Variants in UPRT observed in about 807,000 individuals in gnomAD.
UPRT encodes RP11-311P8.3.
A neutral mutation model predicts 22.6 loss-of-function variants in UPRT; 5 were observed. The observed-to-expected ratio is 0.22, with a 90% CI of 0.12 to 0.47. The LOEUF (loss-of-function observed/expected upper bound fraction) is 0.47. Ranked by LOEUF, UPRT falls within the 20% of genes least tolerant of loss-of-function variation. The pLI is 0.99. For missense variants in UPRT, 181 were observed against 239.9 expected (o/e 0.75, Z 1.62); for synonymous variants, 77 against 87.7 (o/e 0.88, Z 0.68).
chrX:75,185,657 C>T (rs2082287523), intron 4 of UPRT, among the ~76,000 whole-genome samples: 1 of 111,691 alleles, frequency 9.0e-6, no homozygotes, highest in Non-Finnish European at 1.9e-5. Flanking sequence ...GTCCTGGACT[C>T]TTTTTTGTTG....
At chrX:75,263,696 G>GT (rs1192130211) in intron 4 of UPRT, among the ~76,000 whole-genome samples, 7 of 108,556 alleles carry the variant, frequency 6.4e-5, no homozygotes, top group African/African-American at 2.3e-4. Context: ...TTTTTGAAGG[G>GT]TTTTTTGTGT....
chrX:75,185,643 T>G, intron 4 of UPRT, among the ~76,000 whole-genome samples: 1 of 111,936 alleles, frequency 8.9e-6, no homozygotes, highest in Non-Finnish European at 1.9e-5. Flanking sequence ...TGTGAATCCA[T>G]CTGGTCCTGG....
chrX:75,193,316 T>A (rs965514085), intron 4 of UPRT, among the ~76,000 whole-genome samples: 1 of 112,154 alleles, frequency 8.9e-6, no homozygotes, highest in Non-Finnish European at 1.9e-5. Context: ...CTCTGTAGGG[T>A]TTCTGCTGAT....
intron 1 of UPRT, among the ~76,000 whole-genome samples, chrX:75,283,471 G>GT (rs750514011): frequency 1.4e-4 from 16 of 111,422 alleles, no homozygotes; most frequent in Non-Finnish European, 2.6e-4. Context: ...CCTTTTAGTG[G>GT]TTTTTGTAGT....
chrX:75,195,576 G>T (rs2082330452), intron 4 of UPRT, among the ~76,000 whole-genome samples: 1 of 112,206 alleles, frequency 8.9e-6, no homozygotes, highest in Non-Finnish European at 1.9e-5. Context: ...CAGCTGAAGT[G>T]TCCATGAAGG....
chrX:75,215,339 A>G (rs1404810577), intron 4 of UPRT, among the ~76,000 whole-genome samples: 5 of 111,475 alleles, frequency 4.5e-5, no homozygotes, highest in Admixed American at 2.9e-4. Flanking sequence ...ATTAAATCCA[A>G]AGTTAGCAGA....
Position 75,274,635 on chromosome X carries a change from T to C in UPRT, c.381T>C (p.Arg127=). The C allele has an allele frequency of 8.3e-7, 1 of 1,197,690 alleles. No individual in the cohort carries two copies. The highest frequency in any genetic ancestry group is 1.1e-6 in the Non-Finnish European group (1 of 887,255). The part of the protein sequence containing the change: ...DQIRELQTII[R]DKTASRGDFM... Reference sequence around the variant, plus strand: ...TACGGGAGCTACAGACCATCATCCGTGACAAGTAAGCCAAGAGCGGAAGGG... The same window carrying C: ...TACGGGAGCTACAGACCATCATCCGCGACAAGTAAGCCAAGAGCGGAAGGG... The change falls in exon 1 of 7, where the codon CGT becomes CGC. Residue 127 remains arginine (R), a synonymous_variant. Transcript: ENST00000373383.
Position 75,255,180 on chromosome X carries a change from GGGATT to G in UPRT, c.-446-35840_-446-35836del, listed in dbSNP as rs760730694. 6.5e-3 allele frequency among the ~76,000 whole-genome samples: 725 copies of G among 111,819 alleles called. 7 individuals are homozygous for G. The highest frequency in any genetic ancestry group is 0.022 in the African/African-American group (664 of 30,757). ...TCAAAAGAAACCCTACAAGCTGGAA[GGGATT>G]GGAACCCTATCTTAAGCCTCCTCAA... On this transcript the variant is annotated intron_variant, in intron 4 of 13. Coordinates refer to the UPRT transcript ENST00000652605.
chrX:75,241,991 T>C (rs2082489998), intron 4 of UPRT, among the ~76,000 whole-genome samples: 1 of 110,288 alleles, frequency 9.1e-6, no homozygotes, highest in Non-Finnish European at 1.9e-5. Flanking sequence ...GGGTGATGGA[T>C]GCACCAAAAT....
At chrX:75,250,682 A>C (rs1168329523) in intron 4 of UPRT, among the ~76,000 whole-genome samples, 1 of 111,570 alleles carries the variant, frequency 9.0e-6, no homozygotes, top group Non-Finnish European at 1.9e-5. Flanking sequence ...ATCAATAGAA[A>C]AAGAGGGAAT....
At chrX:75,287,338 T>A (rs1214978650) in intron 1 of UPRT, among the ~76,000 whole-genome samples, 3 of 111,676 alleles carry the variant, frequency 2.7e-5, no homozygotes, top group African/African-American at 9.7e-5. Flanking sequence ...AGTAAGAAGA[T>A]GGGAGAAGCT....
At chrX:75,185,584 T>G (rs2147613592) in intron 4 of UPRT, among the ~76,000 whole-genome samples, 1 of 112,262 alleles carries the variant, frequency 8.9e-6, no homozygotes, top group Non-Finnish European at 1.9e-5. Flanking sequence ...TGGAATAGTT[T>G]CAGAAGGAAT....
chrX:75,206,672 AT>A (rs367590742), intron 4 of UPRT, among the ~76,000 whole-genome samples: 8 of 107,043 alleles, frequency 7.5e-5, no homozygotes, highest in Middle Eastern at 4.8e-3. Context: ...GGCAATAATG[AT>A]TTTTTTTTTG....
intron 4 of UPRT, among the ~76,000 whole-genome samples, chrX:75,228,386 A>G (rs2082429031): frequency 9.0e-6 from 1 of 111,703 alleles, no homozygotes; most frequent in Non-Finnish European, 1.9e-5. Context: ...GTCAAGCTAG[A>G]CATGACTGCC....
chrX:75,274,333 G>C lies in UPRT; in HGVS notation c.79G>C (p.Glu27Gln), dbSNP rs762866137. 7 of 1,209,747 alleles carry C rather than the reference G, an allele frequency of 5.8e-6. No homozygotes were observed. The highest frequency in any genetic ancestry group is 7.8e-6 in the Non-Finnish European group (7 of 895,171). ...QVNSASTPSP[E>Q]QLRPGDLILD... ...AAACTCTGCCTCAACCCCAAGTCCC[G>C]AGCAGCTGCGACCTGGCGATCTGAT... Residue 27 changes from glutamate to glutamine, a missense_variant, in exon 1 of 7, where the codon GAG becomes CAG. By Grantham distance (29) the Glu-to-Gln change is conservative. Coordinates refer to ENST00000373383, the MANE Select transcript of UPRT (RefSeq NM_145052.4).
At chrX:75,238,451 C>T (rs1024533856) in intron 4 of UPRT, among the ~76,000 whole-genome samples, 1 of 111,524 alleles carries the variant, frequency 9.0e-6, no homozygotes, top group Non-Finnish European at 1.9e-5. Context: ...AATACATATG[C>T]ACCTAACACT....
Position 75,251,132 on chromosome X carries a change from T to C in UPRT, c.-446-39892T>C, listed in dbSNP as rs145684173. ...ACTAAATGGACAAAAACTGGAAGCA[T>C]TCCCTTTGAAAACTGGTACAAGTCA... On this transcript the variant is annotated intron_variant, in intron 4 of 13. Coordinates refer to the UPRT transcript ENST00000652605. 3.0e-3 allele frequency among the ~76,000 whole-genome samples: 335 copies of C among 111,220 alleles called. 1 individual carries two copies. The highest frequency in any genetic ancestry group is 1.0e-2 in the African/African-American group (306 of 30,647).
rs188942000 is a variant in UPRT at position 75,184,183 on chromosome X, C to T, written c.-447+16304C>T. On this transcript the variant is annotated intron_variant, in intron 4 of 13. Coordinates refer to the UPRT transcript ENST00000652605. ...TCGAACGTTTAAGTCTTTAATCCATCTTGAATTGATTTTTGTATAAGGTGT... is the reference window on the plus strand; with the variant it reads ...TCGAACGTTTAAGTCTTTAATCCATTTTGAATTGATTTTTGTATAAGGTGT... Among the ~76,000 whole-genome samples the T allele has an allele frequency of 3.0e-3, 339 of 111,280 alleles. 1 individual carries two copies. Among genetic ancestry groups the T allele is most frequent in the African/African-American group, 0.01 (310 of 30,788 alleles).
chrX:75,261,543 C>A (rs995174351), intron 4 of UPRT, among the ~76,000 whole-genome samples: 5 of 111,456 alleles, frequency 4.5e-5, no homozygotes, highest in Non-Finnish European at 9.4e-5. Context: ...GCCTACCAAC[C>A]AACCAAAGTC....
Sources: gnomAD v4.1 joint callset for allele counts (sites outside exome capture counted in the v4.1 genomes callset) on GRCh38, gnomAD v4.1.1 for gene constraint, MANE v1.5 for transcripts, NCBI Gene and HGNC (gene_info 2026-07-23, HGNC 2026-07-21) for gene names.